The following FAM135A variants were observed in gnomAD, a reference collection of about 807,000 sequenced individuals.
FAM135A encodes protein FAM135A.
Under a neutral mutation model 146.8 loss-of-function variants are expected in FAM135A, and 79 were observed. That is an observed-to-expected ratio of 0.54 (90% CI 0.45 to 0.65). FAM135A has a LOEUF of 0.65. Ranked by LOEUF, FAM135A falls within the 30% of genes least tolerant of loss-of-function variation. The pLI is 0.00. For synonymous variants in FAM135A, 562 were observed against 603.6 expected, an observed-to-expected ratio of 0.93 and a Z score of 1.01; for missense variants, 1,623 against 1,758.2, an observed-to-expected ratio of 0.92 and a Z score of 1.38.
intron 4 of FAM135A, among the ~76,000 whole-genome samples, chr6:70,443,128 T>A (rs968846844): frequency 2.0e-5 from 3 of 152,212 alleles, no homozygotes; most frequent in African/African-American, 7.2e-5. Context: ...TTACATTCCA[T>A]ATGGGGTTGT....
At chr6:70,442,239 G>GTT (rs1264461872) in intron 4 of FAM135A, among the ~76,000 whole-genome samples, 44 of 125,936 alleles carry the variant, frequency 3.5e-4, no homozygotes, top group African/African-American at 4.7e-4. Flanking sequence ...TTCTTCATGG[G>GTT]TTTTTTTTTT....
At chr6:70,492,735 A>C (rs933356350) in intron 11 of FAM135A, among the ~76,000 whole-genome samples, 2 of 151,482 alleles carry the variant, frequency 1.3e-5, no homozygotes, top group African/African-American at 2.4e-5. Flanking sequence ...TCCTGAAATG[A>C]TACTCATTCT....
intron 20 of FAM135A, among the ~76,000 whole-genome samples, chr6:70,550,777 C>G (rs2128483077): frequency 6.6e-6 from 1 of 152,326 alleles, no homozygotes; most frequent in Non-Finnish European, 1.5e-5. Context: ...TCCTTTCTAT[C>G]TATGAAGTCA....
chr6:70,510,777 T>C (rs1790814173), intron 12 of FAM135A, among the ~76,000 whole-genome samples: 1 of 152,090 alleles, frequency 6.6e-6, no homozygotes, highest in African/African-American at 2.4e-5. Flanking sequence ...ATTTGGGGTA[T>C]ATACCTAGGA....
intron 10 of FAM135A, among the ~76,000 whole-genome samples, chr6:70,486,978 G>T (rs1472981571): frequency 6.6e-6 from 1 of 150,896 alleles, no homozygotes; most frequent in Non-Finnish European, 1.5e-5. Context: ...GAAGAGATGG[G>T]AGGCTGAGGC....
intron 4 of FAM135A, among the ~76,000 whole-genome samples, chr6:70,435,124 T>A (rs1424217129): frequency 7.0e-6 from 1 of 142,650 alleles, no homozygotes; most frequent in Admixed American, 7.1e-5. Context: ...TTTTTTTTTT[T>A]AGATGGAGTC....
At chr6:70,506,625 G>A (rs1789820287) in intron 12 of FAM135A, among the ~76,000 whole-genome samples, 1 of 151,684 alleles carries the variant, frequency 6.6e-6, no homozygotes, top group East Asian at 1.9e-4. Context: ...AAGTCTGTTT[G>A]AAGGTTATTT....
At chr6:70,420,103 T>A (rs1768477141) in intron 2 of FAM135A, among the ~76,000 whole-genome samples, 2 of 152,206 alleles carry the variant, frequency 1.3e-5, no homozygotes, top group South Asian at 4.1e-4. Context: ...AAACTGGAGC[T>A]GTTGTCACCA....
chr6:70,557,714 A>C (rs1281341279), intron 21 of FAM135A: 1 of 151,242 alleles, frequency 6.6e-6, no homozygotes, highest in Non-Finnish European at 1.5e-5. Context: ...AAAAAAAAAA[A>C]AAAACCCTGG....
At chr6:70,485,918 A>G (rs1001605791) in intron 10 of FAM135A, among the ~76,000 whole-genome samples, 1 of 152,228 alleles carries the variant, frequency 6.6e-6, no homozygotes, top group Non-Finnish European at 1.5e-5. Flanking sequence ...ATCCCTGCCA[A>G]CCTAAAATTC....
chr6:70,496,983 A>G (rs905101511), intron 11 of FAM135A, among the ~76,000 whole-genome samples: 4 of 152,128 alleles, frequency 2.6e-5, no homozygotes, highest in Non-Finnish European at 4.4e-5. Context: ...TGTCTTGGCT[A>G]TACGGTCTCT....
intron 17 of FAM135A, 35 bp from the exon 18 acceptor site, chr6:70,533,722 C>G (rs1796263820): frequency 7.9e-7 from 1 of 1,258,360 alleles, no homozygotes; most frequent in Admixed American, 2.2e-5. Context: ...ATACATATTC[C>G]CAAATATAAT....
Position 70,532,948 on chromosome 6 carries a change from A to C in FAM135A, c.3776-212A>C, listed in dbSNP as rs898170734. Reference sequence around the variant, plus strand: ...CTCCATCTCAAAAAAAAAAAGAAAGAAAAAAGAAAACAAAAACTGTTGAAT... The same window carrying C: ...CTCCATCTCAAAAAAAAAAAGAAAGCAAAAAGAAAACAAAAACTGTTGAAT... On this transcript the variant is annotated intron_variant, in intron 16 of 21. Transcript: ENST00000418814. Among the ~76,000 whole-genome samples, 11 of 152,094 alleles carry C rather than the reference A, an allele frequency of 7.2e-5. No homozygotes were observed. The South Asian group carries it at 1.0e-3, about 14-fold the overall frequency.
chr6:70,483,892 A>G (rs993039423), intron 10 of FAM135A, among the ~76,000 whole-genome samples: 32 of 152,206 alleles, frequency 2.1e-4, no homozygotes, highest in African/African-American at 7.2e-4. Context: ...AAGAGTGCAC[A>G]TTTGGAACCA....
rs1272883815 is a variant in FAM135A, at chr6:70,528,301, G to A, written c.3624G>A (p.Gln1208=). 1 of 1,606,960 alleles carries A rather than the reference G, an allele frequency of 6.2e-7. No individual in the cohort carries two copies. Among genetic ancestry groups the A allele is most frequent in the South Asian group, 1.1e-5 (1 of 89,374 alleles). The change falls in exon 16 of 22, where the codon CAG becomes CAA. Residue 1208 remains glutamine (Q), a synonymous_variant. Transcript: ENST00000418814. The stretch of plus-strand genomic sequence containing the variant: ...TTGTATTTTGCTTCAGCTTCCTTCA[G>A]GCAAAAGAAGAACTGAAGCTACTAA... ...SPKPQIQAFL[Q]AKEELKLLKL...
intron 21 of FAM135A, chr6:70,557,097 T>C (rs1488142999): frequency 7.0e-6 from 4 of 567,414 alleles, no homozygotes; most frequent in Non-Finnish European, 1.3e-5. Flanking sequence ...TTTTGCTGCC[T>C]CAGAAGTAGT....
At chr6:70,443,871 TTCAC>T (rs886653184) in intron 4 of FAM135A, among the ~76,000 whole-genome samples, 19 of 152,306 alleles carry the variant, frequency 1.2e-4, no homozygotes, top group African/African-American at 4.6e-4. Flanking sequence ...CTTTGCCTAA[TTCAC>T]TATGATTTTG....
At chr6:70,454,668 C>T (rs1459879297) in intron 5 of FAM135A, among the ~76,000 whole-genome samples, 1 of 152,084 alleles carries the variant, frequency 6.6e-6, no homozygotes, top group African/African-American at 2.4e-5. Context: ...ATAGGGAATC[C>T]TTTCCCTATT....
rs768369995 is a variant in FAM135A at position 70,522,616 on chromosome 6, A to G, written c.1103+30A>G. On this transcript the variant is annotated intron_variant, in intron 13 of 21. Transcript: ENST00000418814. Reference sequence around the variant, plus strand: ...GTAGTATAAATTCAAAATTAAAATGATATTACTTCCTTTTACATAAGATAC... The same window carrying G: ...GTAGTATAAATTCAAAATTAAAATGGTATTACTTCCTTTTACATAAGATAC... 70 of 1,552,382 alleles carry G rather than the reference A, an allele frequency of 4.5e-5. No individual in the cohort carries two copies. In the South Asian group the frequency reaches 5.9e-4, roughly 13 times the overall value.
Sources: gnomAD v4.1 joint callset for allele counts (sites outside exome capture counted in the v4.1 genomes callset) on GRCh38, gnomAD v4.1.1 for gene constraint, MANE v1.5 for transcripts, NCBI Gene and HGNC (gene_info 2026-07-23, HGNC 2026-07-21) for gene names.